The following PUS7 variants were observed in gnomAD, a reference collection of about 807,000 sequenced individuals.
The protein encoded by PUS7 is pseudouridylate synthase 7 homolog.
PUS7 carries 48 observed loss-of-function variants against 79.8 expected under a neutral mutation model. The ratio of observed to expected loss-of-function variants is 0.60; its 90% CI spans 0.48 to 0.76. The LOEUF is 0.76. Ranked by LOEUF, PUS7 falls within the 30% of genes least tolerant of loss-of-function variation. The probability of loss-of-function intolerance (pLI) is 0.00; values close to 1 mark genes in which losing one functional copy is unlikely to be tolerated. For missense variants in PUS7, 729 were observed against 797.6 expected (o/e 0.91, Z 1.04); for synonymous variants, 286 against 272.2 (o/e 1.05, Z -0.50).
chr7:105,478,971 C>T (rs1025433278), intron 9 of PUS7, among the ~76,000 whole-genome samples: 17 of 152,038 alleles, frequency 1.1e-4, no homozygotes, highest in African/African-American at 4.1e-4. Flanking sequence ...TGTCCTTCTG[C>T]CAAATTAATT....
intron 6 of PUS7, among the ~76,000 whole-genome samples, chr7:105,492,739 C>T (rs1340561719): frequency 1.3e-5 from 2 of 151,716 alleles, no homozygotes; most frequent in Non-Finnish European, 2.9e-5. Context: ...GATCTCCTGA[C>T]CTCGTGATCC....
chr7:105,517,175 G>C (rs1383579696), intron 1 of PUS7, among the ~76,000 whole-genome samples: 1 of 114,484 alleles, frequency 8.7e-6, no homozygotes, highest in Non-Finnish European at 2.2e-5. Context: ...TCTTTTTTTG[G>C]CGATGGAGTC....
At chr7:105,514,887 G>A (rs1825836480) in intron 1 of PUS7, among the ~76,000 whole-genome samples, 1 of 151,680 alleles carries the variant, frequency 6.6e-6, no homozygotes, top group African/African-American at 2.4e-5. Flanking sequence ...CGCCTCCTGG[G>A]CTCACGCCAT....
intron 4 of PUS7, among the ~76,000 whole-genome samples, chr7:105,503,003 A>G (rs1825316842): frequency 6.6e-6 from 1 of 152,182 alleles, no homozygotes; most frequent in Admixed American, 6.5e-5. Flanking sequence ...CCCAGTCTCA[A>G]AAATATTTCA....
chr7:105,479,078 T>C (rs925280305), intron 9 of PUS7, among the ~76,000 whole-genome samples: 2 of 152,178 alleles, frequency 1.3e-5, no homozygotes, highest in African/African-American at 4.8e-5. Flanking sequence ...ATTAGCAAGG[T>C]TGAAAACATA....
At chr7:105,505,483 G>GGTCACATACCTGA (rs1409810470) in intron 4 of PUS7, among the ~76,000 whole-genome samples, 2 of 152,092 alleles carry the variant, frequency 1.3e-5, no homozygotes, top group Non-Finnish European at 2.9e-5. Flanking sequence ...ATCTGACCTG[G>GGTCACATACCTGA]GTCACATACC....
Position 105,457,780 on chromosome 7 carries a change from A to G in PUS7, c.*10T>C, listed in dbSNP as rs779845234. ...TGTGTACGTTTTCTAATCTGTGGAC[A>G]AGGTACTGCTCAGCGAAGCCAGGTT... On this transcript the variant is annotated 3_prime_UTR_variant, in exon 16 of 16. Coordinates refer to ENST00000469408, the MANE Select transcript of PUS7 (RefSeq NM_019042.5). 42 of 1,612,394 alleles carry G rather than the reference A, an allele frequency of 2.6e-5. No individual in the cohort carries two copies. The highest frequency in any genetic ancestry group is 3.2e-5 in the Non-Finnish European group (38 of 1,179,110).
At position 105,468,266 on chromosome 7, in the gene PUS7, A is replaced by T; in HGVS notation, c.1525+71T>A. ...CTTTCTTAATTAATAGCCAGGATGG[A>T]TTTTAAAGCCACTAGTGGCAACTAA... On this transcript the variant is annotated intron_variant, in intron 12 of 15. Transcript: ENST00000469408. 4 of 1,558,740 alleles carry T rather than the reference A, an allele frequency of 2.6e-6. 1 individual carries two copies. The highest frequency in any genetic ancestry group is 3.5e-4 in the Middle Eastern group (2 of 5,788).
chr7:105,470,960 G>C (rs1823851382), intron 10 of PUS7, 112 bp from the exon 11 acceptor site: 1 of 1,214,718 alleles, frequency 8.2e-7, no homozygotes, highest in Admixed American at 3.1e-5. Flanking sequence ...TGAAATATAG[G>C]TGCTGTTTAT....
At chr7:105,518,020 G>C (rs818481) in intron 1 of PUS7, among the ~76,000 whole-genome samples, 50,122 of 151,866 alleles carry the variant, frequency 0.33, 9,378 homozygotes, top group African/African-American at 0.51. Context: ...TGGTGGTGTG[G>C]CCCTGTAATC....
intron 2 of PUS7, among the ~76,000 whole-genome samples, chr7:105,507,068 C>CA (rs1825493788): frequency 1.3e-5 from 2 of 151,786 alleles, no homozygotes; most frequent in African/African-American, 4.8e-5. Context: ...TTTTTTGAGA[C>CA]AGAGTCTTGC....
intron 1 of PUS7, 109 bp from the exon 2 acceptor site, chr7:105,508,653 G>C: frequency 7.1e-7 from 1 of 1,403,512 alleles, no homozygotes; most frequent in Non-Finnish European, 9.4e-7. Flanking sequence ...GTTAAGGCAG[G>C]CAGATCACTT....
At chr7:105,490,746 C>A (rs1355372913) in intron 7 of PUS7, among the ~76,000 whole-genome samples, 1 of 152,190 alleles carries the variant, frequency 6.6e-6, no homozygotes, top group Admixed American at 6.5e-5. Flanking sequence ...AAAAAACAAT[C>A]CTAAATCCTA....
intron 5 of PUS7, among the ~76,000 whole-genome samples, chr7:105,500,686 T>A (rs980743866): frequency 6.6e-6 from 1 of 152,136 alleles, no homozygotes; most frequent in Non-Finnish European, 1.5e-5. Flanking sequence ...TAGGACCAAG[T>A]GCCCCAAGGC....
At chr7:105,502,351 A>C (rs1825287007) in intron 5 of PUS7, 69 bp downstream of exon 5, 4 of 1,579,472 alleles carry the variant, frequency 2.5e-6, no homozygotes, top group Admixed American at 1.8e-5. Flanking sequence ...CGAACGGGCA[A>C]GGCTAACGAG....
At chr7:105,498,850 C>A (rs1298144446) in intron 5 of PUS7, among the ~76,000 whole-genome samples, 1 of 152,174 alleles carries the variant, frequency 6.6e-6, no homozygotes, top group African/African-American at 2.4e-5. Context: ...AGGTCTGGAA[C>A]TCCAGGCCTC....
Position 105,508,476 on chromosome 7 carries a change from G to A in PUS7, c.37C>T (p.Arg13Cys). The A allele has an allele frequency of 6.2e-7, 1 of 1,613,910 alleles. No homozygotes were observed. Among genetic ancestry groups the A allele is most frequent in the Non-Finnish European group, 8.5e-7 (1 of 1,179,964 alleles). Residue 13 changes from arginine (R) to cysteine (C), a missense_variant, in exon 2 of 16, where the codon CGT (arginine) becomes TGT (cysteine). Physicochemically the swap from Arg to Cys is radical, Grantham distance 180. Coordinates refer to ENST00000469408, the MANE Select transcript of PUS7 (RefSeq NM_019042.5). ...TTATCTTCGACAACCAGTGCCCCAC[G>A]TTTCAGCGACACACCAGTCATTTCT... ...MTEMTGVSLK[R>C]GALVVEDNDS... is the part of the protein sequence containing the mutation.
chr7:105,465,277 C>T (rs770437127), intron 13 of PUS7, 36 bp downstream of exon 13: 1 of 1,435,150 alleles, frequency 7.0e-7, no homozygotes, highest in South Asian at 1.2e-5. Flanking sequence ...TTATGTTAAA[C>T]TTGTTTTAAC....
intron 11 of PUS7, among the ~76,000 whole-genome samples, chr7:105,469,286 A>G (rs1238637562): frequency 1.4e-5 from 2 of 141,666 alleles, no homozygotes; most frequent in East Asian, 4.3e-4. Context: ...TTAATCTCTC[A>G]TTTTTTTCTT....
Sources: gnomAD v4.1 joint callset for allele counts (sites outside exome capture counted in the v4.1 genomes callset) on GRCh38, gnomAD v4.1.1 for gene constraint, MANE v1.5 for transcripts, NCBI Gene and HGNC (gene_info 2026-07-23, HGNC 2026-07-21) for gene names.